Variants in TMEM222 observed in about 807,000 individuals in gnomAD.
TMEM222 encodes the protein transmembrane protein 222, also known as chromosome 1 open reading frame 160.
Under a neutral mutation model 25.1 loss-of-function variants are expected in TMEM222, and 18 were observed. The ratio of observed to expected loss-of-function variants is 0.72; its 90% CI spans 0.50 to 1.06. The LOEUF is 1.06. Ranked by LOEUF, TMEM222 falls within the 50% of genes least tolerant of loss-of-function variation. TMEM222 has a pLI of 0.00. For missense variants in TMEM222, 296 were observed against 293.7 expected, an observed-to-expected ratio of 1.01 and a Z score of -0.06; for synonymous variants, 131 against 117.9, an observed-to-expected ratio of 1.11 and a Z score of -0.72.
At chr1:27,334,104 G>T in intron 4 of TMEM222, 47 bp from the exon 5 acceptor site, 2 of 1,614,010 alleles carry the variant, frequency 1.2e-6, no homozygotes, top group South Asian at 1.1e-5. Context: ...GACCAGGGGG[G>T]AGGCTCCCCT....
rs1052316922 is a variant in TMEM222, at chr1:27,335,598, G to A, written c.*132G>A. On this transcript the variant is annotated 3_prime_UTR_variant, in exon 6 of 6. Coordinates refer to ENST00000374076, the MANE Select transcript of TMEM222 (RefSeq NM_032125.3). The stretch of plus-strand genomic sequence containing the variant: ...CTGTTGTGGACCGGGGGTCGGGGCT[G>A]GCAGGATGGAAGGACTGAGGACCAG... The A allele has an allele frequency of 2.1e-5, 18 of 846,644 alleles. No individual in the cohort carries two copies. Among genetic ancestry groups the A allele is most frequent in the Non-Finnish European group, 3.4e-5 (18 of 533,272 alleles). 52.4% of individuals were successfully genotyped at this position (846,644 alleles called of 1,614,324 possible).
intron 5 of TMEM222, chr1:27,334,680 C>T: frequency 7.2e-7 from 1 of 1,397,280 alleles, no homozygotes; most frequent in Non-Finnish European, 9.5e-7. Context: ...CCTTCCTAGG[C>T]AGAGAGATTG....
Position 27,335,534 on chromosome 1 carries a change from AT to A in TMEM222, c.*75del. 2 of 1,530,246 alleles carry A rather than the reference AT, an allele frequency of 1.3e-6. No individual in the cohort carries two copies. Among genetic ancestry groups the A allele is most frequent in the Non-Finnish European group, 1.8e-6 (2 of 1,108,554 alleles). 94.8% of individuals were successfully genotyped at this position (1,530,246 alleles called of 1,614,324 possible). ...CAGCCGCCATCCCTTTTGGTTCCAG[AT>A]TTTTTTCTCCTCACCCCAAAAGGCA... On this transcript the variant is annotated 3_prime_UTR_variant, in exon 6 of 6. Transcript: ENST00000374076.
At chr1:27,328,611 A>C (rs2014407825) in intron 1 of TMEM222, among the ~76,000 whole-genome samples, 1 of 152,190 alleles carries the variant, frequency 6.6e-6, no homozygotes, top group African/African-American at 2.4e-5. Flanking sequence ...TCCTCTAGTC[A>C]GGACCTCCAT....
intron 1 of TMEM222, chr1:27,325,493 C>T (rs1419953069): frequency 1.6e-5 from 24 of 1,458,840 alleles, no homozygotes; most frequent in African/African-American, 1.1e-4. Context: ...GCGGCATCCA[C>T]GAGACCACGT....
At chr1:27,324,116 A>C (rs1025826294) in intron 1 of TMEM222, among the ~76,000 whole-genome samples, 5 of 152,232 alleles carry the variant, frequency 3.3e-5, no homozygotes, top group African/African-American at 1.2e-4. Context: ...ACCTGAGGTC[A>C]GGAGTTCAAG....
At chr1:27,325,562 G>C in intron 1 of TMEM222, 1 of 1,193,256 alleles carries the variant, frequency 8.4e-7, no homozygotes, top group Non-Finnish European at 1.3e-6. Context: ...CCAACATAGG[G>C]CTATCCAGAG....
rs768879006 is a variant in TMEM222 at position 27,330,776 on chromosome 1, G to A, written c.251G>A (p.Arg84Gln). ...ATCTGCACATCCACAGGAGTCATTCGGGACTTCGCGGGCCCCTACTTTGTC... is the reference window on the plus strand; with the variant it reads ...ATCTGCACATCCACAGGAGTCATTCAGGACTTCGCGGGCCCCTACTTTGTC... ...MGICTSTGVI[R>Q]DFAGPYFVSE... Residue 84 changes from arginine to glutamine, a missense_variant, in exon 2 of 6, where the codon CGG (arginine) becomes CAG (glutamine). Physicochemically the swap from Arg to Gln is conservative, Grantham distance 43. Transcript: ENST00000374076. 4.3e-6 allele frequency: 7 copies of A among 1,614,136 alleles called. No homozygotes were observed. Among genetic ancestry groups the A allele is most frequent in the South Asian group, 3.3e-5 (3 of 91,082 alleles).
chr1:27,328,015 G>A (rs1161792434), intron 1 of TMEM222, among the ~76,000 whole-genome samples: 1 of 152,216 alleles, frequency 6.6e-6, no homozygotes, highest in Non-Finnish European at 1.5e-5. Context: ...AAAAAATCCT[G>A]TCTCTCTTGG....
chr1:27,332,541 TA>T (rs1380888731), intron 3 of TMEM222: 2 of 717,770 alleles, frequency 2.8e-6, no homozygotes, highest in African/African-American at 3.5e-5. Context: ...TTGGAGAGAA[TA>T]AAAACCGTTC....
chr1:27,330,945 C>T (rs1303537698), intron 2 of TMEM222, 141 bp downstream of exon 2: 4 of 1,542,912 alleles, frequency 2.6e-6, no homozygotes, highest in African/African-American at 2.7e-5. Context: ...CTCTGCCCCT[C>T]ACCAGTGTTT....
intron 1 of TMEM222, chr1:27,325,741 G>T: frequency 1.1e-6 from 1 of 878,726 alleles, no homozygotes; most frequent in Non-Finnish European, 2.0e-6. Flanking sequence ...ATGTGGATTA[G>T]CAAGCAGGAG....
At chr1:27,326,368 G>A (rs745806932) in intron 1 of TMEM222, among the ~76,000 whole-genome samples, 2 of 152,090 alleles carry the variant, frequency 1.3e-5, no homozygotes, top group African/African-American at 2.4e-5. Flanking sequence ...ACCTGTAAAT[G>A]TATTCATCCT....
intron 1 of TMEM222, chr1:27,325,611 AAGG>A (rs2014324218): frequency 1.1e-6 from 1 of 917,676 alleles, no homozygotes; most frequent in African/African-American, 1.6e-5. Flanking sequence ...CAGGATGCAG[AAGG>A]AGATTAACGC....
chr1:27,322,655 G>A (rs770254621), intron 1 of TMEM222, among the ~76,000 whole-genome samples: 1 of 152,244 alleles, frequency 6.6e-6, no homozygotes, highest in Non-Finnish European at 1.5e-5. Flanking sequence ...TGGGAGACTC[G>A]AGCTGTGAGT....
In TMEM222 at chr1:27,322,167, C is replaced by G. The variant is rs2014213235; in HGVS notation, c.-31C>G. 3 of 1,364,306 alleles carry G rather than the reference C, an allele frequency of 2.2e-6. No homozygotes were observed. The highest frequency in any genetic ancestry group is 3.4e-5 in the South Asian group (2 of 58,218). 84.5% of individuals were successfully genotyped at this position (1,364,306 alleles called of 1,614,324 possible). A position where few individuals can be genotyped will look rare whatever the true frequency, so the allele number is the denominator to read the frequency against. On this transcript the variant is annotated 5_prime_UTR_variant, in exon 1 of 6. Coordinates refer to ENST00000374076, the MANE Select transcript of TMEM222 (RefSeq NM_032125.3). Reference sequence around the variant, plus strand: ...GCCATGGGGACGAGCGGCACCAGAGCCGGGGCCAGTCGGAGCGGGGCGCGC... The same window carrying G: ...GCCATGGGGACGAGCGGCACCAGAGGCGGGGCCAGTCGGAGCGGGGCGCGC...
chr1:27,334,399 G>T, intron 5 of TMEM222, 118 bp downstream of exon 5: 3 of 1,485,866 alleles, frequency 2.0e-6, no homozygotes, highest in African/African-American at 2.8e-5. Context: ...ACAGATGCCA[G>T]TTGGAGCCGT....
At chr1:27,326,536 G>GA (rs942363628) in intron 1 of TMEM222, among the ~76,000 whole-genome samples, 3 of 151,666 alleles carry the variant, frequency 2.0e-5, no homozygotes, top group African/African-American at 4.8e-5. Context: ...AAAAAAAAGG[G>GA]AAAAAAAAGA....
At chr1:27,324,155 A>G (rs2014281584) in intron 1 of TMEM222, among the ~76,000 whole-genome samples, 1 of 152,122 alleles carries the variant, frequency 6.6e-6, no homozygotes, top group South Asian at 2.1e-4. Context: ...GAGAAACCCC[A>G]TCTCTACTAA....
Sources: gnomAD v4.1 joint callset for allele counts (sites outside exome capture counted in the v4.1 genomes callset) on GRCh38, gnomAD v4.1.1 for gene constraint, MANE v1.5 for transcripts, NCBI Gene and HGNC (gene_info 2026-07-23, HGNC 2026-07-21) for gene names.